KSR2: variants seen among roughly 807,000 people sequenced by gnomAD.
KSR2 encodes the protein kinase suppressor of ras 2.
A neutral mutation model predicts 107.8 loss-of-function variants in KSR2; 25 were observed. That is an observed-to-expected ratio of 0.23 (90% CI 0.17 to 0.32). The LOEUF (loss-of-function observed/expected upper bound fraction) is 0.32. Among genes scored for constraint, KSR2 ranks in the 10% least tolerant of loss-of-function variants. The pLI, the probability that KSR2 is intolerant of heterozygous loss-of-function variation, is 1.00. For missense variants in KSR2, 887 were observed against 1,268.9 expected, an observed-to-expected ratio of 0.70 and a Z score of 4.57; for synonymous variants, 480 against 507.0, an observed-to-expected ratio of 0.95 and a Z score of 0.71.
intron 3 of KSR2, among the ~76,000 whole-genome samples, chr12:117,819,031 C>G (rs1891472804): frequency 6.6e-6 from 1 of 152,062 alleles, no homozygotes; most frequent in African/African-American, 2.4e-5. Flanking sequence ...ATTGCTCACC[C>G]TGGGGTTCAG....
chr12:117,861,775 TTG>T (rs1893306437), intron 1 of KSR2, among the ~76,000 whole-genome samples: 1 of 152,160 alleles, frequency 6.6e-6, no homozygotes, highest in African/African-American at 2.4e-5. Context: ...TTTGTGCTGT[TTG>T]AACTGTAAGT....
At chr12:117,801,816 T>C (rs552688881) in intron 3 of KSR2, among the ~76,000 whole-genome samples, 41 of 130,128 alleles carry the variant, frequency 3.2e-4, no homozygotes, top group African/African-American at 1.4e-3. Context: ...GCCAGGGAGG[T>C]CCAGGGAAGC....
chr12:117,871,354 C>G (rs1217640575), intron 1 of KSR2, among the ~76,000 whole-genome samples: 1 of 151,958 alleles, frequency 6.6e-6, no homozygotes, highest in Admixed American at 6.6e-5. Context: ...TTTGGGAGAC[C>G]GAGGCAGGAG....
In KSR2 at chr12:117,459,593, T is replaced by C. The variant is rs1055868751; in HGVS notation, c.*7606A>G. On this transcript the variant is annotated 3_prime_UTR_variant, in exon 20 of 20. Coordinates refer to ENST00000339824, the MANE Select transcript of KSR2 (RefSeq NM_173598.6). ...CTTCTAGATCACCATCCCAATGACT[T>C]GGTTGAAGATGAAAACTCAGGTGAA... The C allele has an allele frequency of 6.6e-6, 1 of 152,242 alleles. No individual in the cohort carries two copies. Among genetic ancestry groups the C allele is most frequent in the African/African-American group, 2.4e-5 (1 of 41,464 alleles). 9.4% of individuals were successfully genotyped at this position (152,242 alleles called of 1,614,324 possible).
intron 14 of KSR2, among the ~76,000 whole-genome samples, chr12:117,486,708 C>T (rs1017263146): frequency 3.3e-5 from 5 of 152,158 alleles, no homozygotes; most frequent in Non-Finnish European, 5.9e-5. Context: ...GAAGCAAGAG[C>T]GCTGGCATCA....
chr12:117,582,175 T>C (rs542547743), intron 6 of KSR2, 115 bp downstream of exon 6: 16 of 791,688 alleles, frequency 2.0e-5, no homozygotes, highest in Non-Finnish European at 3.2e-5. Flanking sequence ...GACATGGTGA[T>C]GTAGGTGCTG....
intron 4 of KSR2, among the ~76,000 whole-genome samples, chr12:117,667,940 T>C (rs1884737584): frequency 6.6e-6 from 1 of 152,120 alleles, no homozygotes; most frequent in South Asian, 2.1e-4. Flanking sequence ...AGAGAGCCAG[T>C]GTCAAGTTCA....
At chr12:117,471,468 G>T in intron 17 of KSR2, 148 bp from the exon 18 acceptor site, 1 of 736,068 alleles carries the variant, frequency 1.4e-6, no homozygotes, top group Non-Finnish European at 2.2e-6. Flanking sequence ...ATTTTGCCAT[G>T]TGCGACATAC....
At chr12:117,663,829 A>G (rs1393212423) in intron 5 of KSR2, among the ~76,000 whole-genome samples, 1 of 152,212 alleles carries the variant, frequency 6.6e-6, no homozygotes, top group Non-Finnish European at 1.5e-5. Context: ...GATCAGAGAT[A>G]GCCTACAAGG....
intron 3 of KSR2, among the ~76,000 whole-genome samples, chr12:117,766,856 A>C (rs952836557): frequency 4.0e-5 from 5 of 124,796 alleles, no homozygotes; most frequent in Non-Finnish European, 6.5e-5. Context: ...CCAGTCGTTC[A>C]GTATGGCTAG....
At chr12:117,582,481 G>T in intron 5 of KSR2, 122 bp from the exon 6 acceptor site, 1 of 735,860 alleles carries the variant, frequency 1.4e-6, no homozygotes, top group Non-Finnish European at 2.4e-6. Context: ...GCCATCACTT[G>T]CTAAACCAAA....
At chr12:117,745,895 A>G (rs1888389582) in intron 4 of KSR2, among the ~76,000 whole-genome samples, 1 of 152,192 alleles carries the variant, frequency 6.6e-6, no homozygotes, top group African/African-American at 2.4e-5. Flanking sequence ...GACCTCTTCA[A>G]GGAGAACTAC....
intron 3 of KSR2, among the ~76,000 whole-genome samples, chr12:117,826,144 A>AGAAT (rs139068727): frequency 0.3 from 45,857 of 150,976 alleles, 7,081 homozygotes; most frequent in Admixed American, 0.36. Flanking sequence ...AGATGGAGGA[A>AGAAT]GAATGAATGA....
chr12:117,707,964 C>G (rs1036868090), intron 4 of KSR2, among the ~76,000 whole-genome samples: 1 of 152,124 alleles, frequency 6.6e-6, no homozygotes. Context: ...AAAGGAGTCC[C>G]CCATGCAAAT....
chr12:117,689,614 C>A (rs1481662763), intron 4 of KSR2, among the ~76,000 whole-genome samples: 1 of 151,914 alleles, frequency 6.6e-6, no homozygotes, highest in Non-Finnish European at 1.5e-5. Context: ...GGGTGGATGA[C>A]CCCTGGTCTA....
chr12:117,843,572 A>G (rs2137172480), intron 3 of KSR2, among the ~76,000 whole-genome samples: 1 of 152,324 alleles, frequency 6.6e-6, no homozygotes, highest in South Asian at 2.1e-4. Flanking sequence ...GTGGCAAAAG[A>G]GAAGGAGCCA....
chr12:117,919,107 C>T (rs1895268872), intron 1 of KSR2, among the ~76,000 whole-genome samples: 1 of 152,160 alleles, frequency 6.6e-6, no homozygotes, highest in Admixed American at 6.5e-5. Context: ...CACTGCACTC[C>T]GGCCTCAGCC....
At position 117,469,718 on chromosome 12, in the gene KSR2, T is replaced by C. The variant is rs752197320; in HGVS notation, c.2790A>G (p.Lys930=). The C allele has an allele frequency of 1.2e-6, 2 of 1,613,674 alleles. No individual in the cohort carries two copies. Among genetic ancestry groups the C allele is most frequent in the African/African-American group, 2.7e-5 (2 of 74,934 alleles). ...TFTKLMDMLE[K]LPKRNRRLSH... ...ACAGGCGACGGTTTCGCTTTGGCAG[T>C]TTCTCCAGCATGTCCATGAGCTTGG... Residue 930 remains lysine, a synonymous_variant, in exon 19 of 20, where the codon AAA becomes AAG. Transcript: ENST00000339824.
chr12:117,569,799 T>TAG (rs1302457081), intron 7 of KSR2, among the ~76,000 whole-genome samples: 1 of 152,138 alleles, frequency 6.6e-6, no homozygotes, highest in African/African-American at 2.4e-5. Context: ...GATCACCCTG[T>TAG]AGTTCACCCT....
Sources: allele counts gnomAD v4.1 joint callset (sites outside exome capture counted in the v4.1 genomes callset), GRCh38; gene constraint gnomAD v4.1.1; transcripts MANE v1.5; gene names NCBI Gene and HGNC (gene_info 2026-07-23, HGNC 2026-07-21).